The following SMAP2 variants were observed in gnomAD, a reference collection of about 807,000 sequenced individuals.
The protein encoded by SMAP2 is stromal membrane-associated protein 2.
Under a neutral mutation model 56.4 loss-of-function variants are expected in SMAP2, and 25 were observed. The observed-to-expected ratio is 0.44, with a 90% CI of 0.32 to 0.62. SMAP2 has a LOEUF of 0.62. Ranked by LOEUF, SMAP2 falls within the 20% of genes least tolerant of loss-of-function variation. The pLI, the probability that SMAP2 is intolerant of heterozygous loss-of-function variation, is 0.04. For synonymous variants in SMAP2, 157 were observed against 181.7 expected (o/e 0.86, Z 1.09); for missense variants, 388 against 545.6 (o/e 0.71, Z 2.88).
chr1:40,419,502 C>T (rs1442004529), intron 9 of SMAP2, among the ~76,000 whole-genome samples: 1 of 152,086 alleles, frequency 6.6e-6, no homozygotes, highest in Non-Finnish European at 1.5e-5. Context: ...CCAGGCTAGT[C>T]TCAAACTCCT....
chr1:40,397,523 G>A (rs1644783928), intron 1 of SMAP2, among the ~76,000 whole-genome samples: 1 of 152,044 alleles, frequency 6.6e-6, no homozygotes, highest in South Asian at 2.1e-4. Context: ...ATCCTTTAAG[G>A]CATTTGAAAA....
intron 9 of SMAP2, among the ~76,000 whole-genome samples, chr1:40,419,422 A>G (rs1645021342): frequency 6.6e-6 from 1 of 151,836 alleles, no homozygotes; most frequent in Non-Finnish European, 1.5e-5. Flanking sequence ...CTGGGATTAC[A>G]GGCACCCGCC....
intron 1 of SMAP2, among the ~76,000 whole-genome samples, chr1:40,382,936 C>A (rs963380896): frequency 1.3e-5 from 2 of 152,082 alleles, no homozygotes. Context: ...TCTAGGTTAT[C>A]TGAATAATTG....
chr1:40,396,443 G>A (rs934947056), intron 1 of SMAP2, among the ~76,000 whole-genome samples: 1 of 152,042 alleles, frequency 6.6e-6, no homozygotes, highest in Non-Finnish European at 1.5e-5. Context: ...CTTGGTGTAG[G>A]ATTTACCTTT....
Position 40,406,832 on chromosome 1 carries a change from C to T in SMAP2, c.200C>T (p.Ser67Leu). The change falls in exon 2 of 10, where the codon TCA becomes TTA. Residue 67 changes from serine (S) to leucine (L), a missense_variant. By Grantham distance (145) the Ser-to-Leu change is moderately radical. Coordinates refer to ENST00000372718, the MANE Select transcript of SMAP2 (RefSeq NM_022733.3). ...NLGVHISRVK[S>L]VNLDQWTQEQ... Reference sequence around the variant, plus strand: ...GGGGTGCACATATCCAGGGTAAAGTCAGTTAACCTCGACCAGTGGACTCAA... The same window carrying T: ...GGGGTGCACATATCCAGGGTAAAGTTAGTTAACCTCGACCAGTGGACTCAA... The T allele has an allele frequency of 6.2e-7, 1 of 1,613,992 alleles. No individual in the cohort carries two copies. Among genetic ancestry groups the T allele is most frequent in the Non-Finnish European group, 8.5e-7 (1 of 1,179,930 alleles).
At chr1:40,353,435 C>A (rs926832710) in intron 1 of SMAP2, among the ~76,000 whole-genome samples, 14 of 152,186 alleles carry the variant, frequency 9.2e-5, no homozygotes, top group African/African-American at 3.4e-4. Flanking sequence ...ATGGCATGAT[C>A]TCAGCTCACA....
chr1:40,409,809 C>T lies in SMAP2; in HGVS notation c.376C>T (p.Arg126Ter). ...ATATGAGAAGAAGAAATACATGGAC[C>T]GAAGTCTGGACATCAATGCCTTTAG... The part of the protein sequence containing the change: ...DKYEKKKYMD[R>*]SLDINAFRKE... Residue 126 changes from arginine (R) to a stop codon, truncating the protein, a stop_gained, in exon 4 of 10, where the codon CGA becomes TGA. Coordinates refer to ENST00000372718, the MANE Select transcript of SMAP2 (RefSeq NM_022733.3). LOFTEE classifies it high-confidence loss of function. 1 of 1,612,832 alleles carries T rather than the reference C, an allele frequency of 6.2e-7. No individual in the cohort carries two copies. The highest frequency in any genetic ancestry group is 8.5e-7 in the Non-Finnish European group (1 of 1,178,878).
intron 1 of SMAP2, among the ~76,000 whole-genome samples, chr1:40,405,497 A>C (rs1168197324): frequency 6.6e-6 from 1 of 152,238 alleles, no homozygotes; most frequent in Non-Finnish European, 1.5e-5. Context: ...AAAAATAAAA[A>C]TTAAAAAATT....
chr1:40,412,172 T>G (rs1644942454), intron 4 of SMAP2, among the ~76,000 whole-genome samples: 2 of 152,218 alleles, frequency 1.3e-5, no homozygotes, highest in South Asian at 4.1e-4. Flanking sequence ...TTAACCTTTT[T>G]CATATTTTGG....
chr1:40,407,527 A>G (rs1292203610), intron 2 of SMAP2, among the ~76,000 whole-genome samples: 1 of 152,006 alleles, frequency 6.6e-6, no homozygotes, highest in East Asian at 1.9e-4. Flanking sequence ...TTTTAAAAAA[A>G]CCTCCAAATC....
At position 40,414,169 on chromosome 1, in the gene SMAP2, A is replaced by G. The variant is rs973087310; in HGVS notation, c.500A>G (p.Lys167Arg). The G allele has an allele frequency of 5.6e-6, 9 of 1,614,032 alleles. No individual in the cohort carries two copies. In the East Asian group the frequency reaches 2.0e-4, roughly 36 times the overall value. ...ATATTTTCACCTTAGCCACAGAAAA[A>G]AGAAGACCCACAGCTACCTCGGAAA... is the stretch of plus-strand genomic sequence containing the variant. ...VFEKVKMPQK[K>R]EDPQLPRKSS... The change falls in exon 6 of 10, where the codon AAA becomes AGA. Residue 167 changes from lysine (K) to arginine (R), a missense_variant. Lys to Arg is a conservative substitution (Grantham distance 26). Coordinates refer to ENST00000372718, the MANE Select transcript of SMAP2 (RefSeq NM_022733.3).
chr1:40,374,011 CA>C lies in SMAP2; in HGVS notation c.-109del. ...GCCGGAGGAGAGGGCTCTCCCCGCT[CA>C]GGAGGTGCCCCTGGGCGGGGGACCG... On this transcript the variant is annotated 5_prime_UTR_variant, in exon 1 of 10. Coordinates refer to ENST00000372718, the MANE Select transcript of SMAP2 (RefSeq NM_022733.3). The surrounding 1 kb of genome is among the most constrained non-coding windows in gnomAD (Gnocchi z 5.9). 3.7e-6 allele frequency: 3 copies of C among 800,972 alleles called. No individual in the cohort carries two copies. The highest frequency in any genetic ancestry group is 1.6e-5 in the South Asian group (1 of 63,854). The allele number at this position is 800,972 out of a possible 1,614,324, so 49.6% of individuals were successfully genotyped here.
chr1:40,422,324 C>T lies in SMAP2; in HGVS notation c.*223C>T. On this transcript the variant is annotated 3_prime_UTR_variant, in exon 10 of 10. Coordinates refer to ENST00000372718, the MANE Select transcript of SMAP2 (RefSeq NM_022733.3). Reference sequence around the variant, plus strand: ...CCCCATAGCCATCCCAACGTCCTCCCCAGTCCTCTCCTGGCACCAGCACCT... The same window carrying T: ...CCCCATAGCCATCCCAACGTCCTCCTCAGTCCTCTCCTGGCACCAGCACCT... The T allele has an allele frequency of 3.9e-6, 2 of 518,796 alleles. No homozygotes were observed. Among genetic ancestry groups the T allele is most frequent in the Non-Finnish European group, 6.8e-6 (2 of 292,444 alleles). 32.1% of individuals were successfully genotyped at this position (518,796 alleles called of 1,614,324 possible). A position where few individuals can be genotyped will look rare whatever the true frequency, so the allele number is the denominator to read the frequency against.
intron 1 of SMAP2, among the ~76,000 whole-genome samples, chr1:40,401,424 T>C (rs1398449621): frequency 6.6e-6 from 1 of 152,228 alleles, no homozygotes; most frequent in Non-Finnish European, 1.5e-5. Context: ...CCCGTTGAAC[T>C]TTTTGACAGG....
chr1:40,373,080 G>T (rs1644507642), upstream of SMAP2, among the ~76,000 whole-genome samples: 1 of 152,186 alleles, frequency 6.6e-6, no homozygotes, highest in Admixed American at 6.5e-5. Flanking sequence ...TTCAGTAAAA[G>T]TCTGCCACAA....
At chr1:40,402,177 T>C (rs1169751134) in intron 1 of SMAP2, among the ~76,000 whole-genome samples, 4 of 152,244 alleles carry the variant, frequency 2.6e-5, no homozygotes, top group African/African-American at 9.6e-5. Flanking sequence ...GACCAATGTG[T>C]ATTAAACAAT....
chr1:40,363,013 A>G (rs1029792505), intron 2 of SMAP2, among the ~76,000 whole-genome samples: 1 of 152,168 alleles, frequency 6.6e-6, no homozygotes, highest in Non-Finnish European at 1.5e-5. Context: ...TTAGGAGATG[A>G]ATTAATCATA....
chr1:40,375,866 A>G (rs1479133292), intron 1 of SMAP2: 1 of 677,592 alleles, frequency 1.5e-6, no homozygotes, highest in Non-Finnish European at 1.8e-6. Flanking sequence ...ATACTTACTC[A>G]TATTCCAATA....
chr1:40,354,410 G>A (rs1479785137), intron 1 of SMAP2, among the ~76,000 whole-genome samples: 3 of 151,936 alleles, frequency 2.0e-5, no homozygotes, highest in Non-Finnish European at 4.4e-5. Flanking sequence ...GCGTGATCCC[G>A]GCTCACTGAT....
Sources: gnomAD v4.1 joint callset for allele counts (sites outside exome capture counted in the v4.1 genomes callset) on GRCh38, gnomAD v4.1.1 for gene constraint, Gnocchi (gnomAD v3.1) non-coding constraint, MANE v1.5 for transcripts, NCBI Gene and HGNC (gene_info 2026-07-23, HGNC 2026-07-21) for gene names.